Variants in MPHOSPH8 observed in about 807,000 individuals in gnomAD.
MPHOSPH8 encodes the protein M-phase phosphoprotein 8, also known as M-phase phosphoprotein, mpp.
In MPHOSPH8, 45 loss-of-function variants were observed where a neutral mutation model predicts 87.3. The ratio of observed to expected loss-of-function variants is 0.52; its 90% confidence interval spans 0.41 to 0.66. MPHOSPH8 has a LOEUF of 0.66. MPHOSPH8 is among the 30% of genes least tolerant of loss of function. The pLI is 0.00. For missense variants in MPHOSPH8, 883 were observed against 1,020.2 expected (o/e 0.87, Z 1.83); for synonymous variants, 366 against 376.9 (o/e 0.97, Z 0.33).
chr13:19,665,988 CAA>C (rs1875792566), intron 9 of MPHOSPH8, among the ~76,000 whole-genome samples: 1 of 152,122 alleles, frequency 6.6e-6, no homozygotes, highest in Non-Finnish European at 1.5e-5. Flanking sequence ...ATTCCTGAGA[CAA>C]AGTTGTCTAC....
intron 4 of MPHOSPH8, 150 bp from the exon 5 acceptor site, chr13:19,649,853 C>G: frequency 2.8e-6 from 2 of 707,140 alleles, no homozygotes; most frequent in South Asian, 4.1e-5. Context: ...GTGGCTTTGA[C>G]AGTAAATCAG....
chr13:19,634,545 TCTC>T (rs1228229608), intron 1 of MPHOSPH8, among the ~76,000 whole-genome samples: 2 of 152,268 alleles, frequency 1.3e-5, no homozygotes, highest in African/African-American at 4.8e-5. Context: ...TGTTTCCTGT[TCTC>T]CTGGCCTGGA....
At chr13:19,649,396 A>G (rs981737529) in intron 4 of MPHOSPH8, among the ~76,000 whole-genome samples, 5 of 152,244 alleles carry the variant, frequency 3.3e-5, no homozygotes, top group South Asian at 2.1e-4. Context: ...CCAGTTTTCA[A>G]TATTCCCTGA....
At chr13:19,653,523 A>G (rs947579247) in intron 5 of MPHOSPH8, among the ~76,000 whole-genome samples, 2 of 151,994 alleles carry the variant, frequency 1.3e-5, no homozygotes. Flanking sequence ...AAGGATCACA[A>G]CTCCTCGCCA....
At position 19,659,062 on chromosome 13, in the gene MPHOSPH8, C is replaced by A; in HGVS notation, c.1644C>A (p.Phe548Leu). 1 of 1,614,086 alleles carries A rather than the reference C, an allele frequency of 6.2e-7. No homozygotes were observed. Among genetic ancestry groups the A allele is most frequent in the Non-Finnish European group, 8.5e-7 (1 of 1,180,012 alleles). The change falls in exon 6 of 14, where the codon TTC (phenylalanine) becomes TTA (leucine). Residue 548 changes from phenylalanine (F) to leucine (L), a missense_variant. By Grantham distance (22) the Phe-to-Leu change is conservative. Coordinates refer to ENST00000361479, the MANE Select transcript of MPHOSPH8 (RefSeq NM_017520.4). The part of the protein sequence containing the change: ...LQLEWMKLED[F>L]QKHLDGKDEN... ...TGGAATGGATGAAGTTGGAAGATTT[C>A]CAAAAGCACCTTGATGGGAAAGATG...
chr13:19,661,570 T>A (rs1408389310), intron 7 of MPHOSPH8, 128 bp from the exon 8 acceptor site: 28 of 946,786 alleles, frequency 3.0e-5, no homozygotes, highest in Non-Finnish European at 4.1e-5. Flanking sequence ...TTAGTGAAAA[T>A]CCTAAGTAGA....
intron 5 of MPHOSPH8, among the ~76,000 whole-genome samples, chr13:19,655,288 A>C: frequency 6.6e-6 from 1 of 152,112 alleles, no homozygotes; most frequent in South Asian, 2.1e-4. Flanking sequence ...TAGCCTGGGA[A>C]AACAAGACCC....
chr13:19,649,957 A>T, intron 4 of MPHOSPH8, 46 bp from the exon 5 acceptor site: 1 of 1,437,902 alleles, frequency 7.0e-7, no homozygotes. Context: ...AATGTAACAG[A>T]AATTTGTGAC....
At chr13:19,647,520 G>A (rs1006818411) in intron 3 of MPHOSPH8, among the ~76,000 whole-genome samples, 5 of 152,176 alleles carry the variant, frequency 3.3e-5, no homozygotes, top group African/African-American at 1.2e-4. Flanking sequence ...CAAAAATCAG[G>A]ATGGTTTTTA....
chr13:19,640,542 CT>C (rs879353279), intron 1 of MPHOSPH8, among the ~76,000 whole-genome samples: 113 of 142,022 alleles, frequency 8.0e-4, no homozygotes, highest in Admixed American at 9.9e-4. Flanking sequence ...AATGGCTTGC[CT>C]TTTTTTTTTT....
At chr13:19,647,521 AT>A (rs1018163076) in intron 3 of MPHOSPH8, among the ~76,000 whole-genome samples, 2 of 152,230 alleles carry the variant, frequency 1.3e-5, no homozygotes, top group African/African-American at 4.8e-5. Flanking sequence ...AAAAATCAGG[AT>A]GGTTTTTAGA....
chr13:19,660,543 A>AT (rs1160793887), intron 7 of MPHOSPH8, among the ~76,000 whole-genome samples: 1 of 152,202 alleles, frequency 6.6e-6, no homozygotes, highest in Admixed American at 6.5e-5. Context: ...AATAATATAG[A>AT]TTGAGAATTG....
intron 5 of MPHOSPH8, among the ~76,000 whole-genome samples, chr13:19,658,293 C>A (rs1361863037): frequency 6.6e-6 from 1 of 152,202 alleles, no homozygotes; most frequent in Admixed American, 6.5e-5. Context: ...TTTAACTCTA[C>A]CATCAAGTAG....
At chr13:19,653,033 G>A (rs562697327) in intron 5 of MPHOSPH8, among the ~76,000 whole-genome samples, 6 of 151,486 alleles carry the variant, frequency 4.0e-5, no homozygotes, top group African/African-American at 1.5e-4. Context: ...CCTGCCTCAC[G>A]GCTCTGAAGA....
intron 1 of MPHOSPH8, among the ~76,000 whole-genome samples, chr13:19,639,352 C>G (rs1874169086): frequency 6.6e-6 from 1 of 151,716 alleles, no homozygotes; most frequent in Non-Finnish European, 1.5e-5. Flanking sequence ...GCTCTGTCAC[C>G]CAGGCTGGAG....
At chr13:19,637,248 CAT>C (rs1389568556) in intron 1 of MPHOSPH8, among the ~76,000 whole-genome samples, 1 of 152,132 alleles carries the variant, frequency 6.6e-6, no homozygotes, top group Non-Finnish European at 1.5e-5. Context: ...TCAATTAGGT[CAT>C]ATTTCACTGA....
Position 19,670,218 on chromosome 13 carries a change from C to G in MPHOSPH8, c.2330-18C>G, listed in dbSNP as rs75467478. 6.2e-7 allele frequency: 1 copy of G among 1,613,836 alleles called. No individual in the cohort carries two copies. The highest frequency in any genetic ancestry group is 8.5e-7 in the Non-Finnish European group (1 of 1,179,826). ...AAGGTTGCCTTTGAAGTAATTCACA[C>G]ACATCTCCCATTTTCAGGCTCTGGC... On this transcript the variant is annotated intron_variant, in intron 11 of 13. Coordinates refer to ENST00000361479, the MANE Select transcript of MPHOSPH8 (RefSeq NM_017520.4).
At chr13:19,644,561 G>C (rs1047332032) in intron 2 of MPHOSPH8, among the ~76,000 whole-genome samples, 1 of 152,204 alleles carries the variant, frequency 6.6e-6, no homozygotes, top group African/African-American at 2.4e-5. Flanking sequence ...TGAAGTTCAT[G>C]CTTTAGTACC....
chr13:19,673,212 C>G lies in MPHOSPH8; in HGVS notation c.*1337C>G, dbSNP rs75415579. On this transcript the variant is annotated 3_prime_UTR_variant, in exon 14 of 14. Coordinates refer to ENST00000361479, the MANE Select transcript of MPHOSPH8 (RefSeq NM_017520.4). ...TCAGCTGTGTGGGAGCCACCACCCT[C>G]TCTGGGAAGAGTTCCTGCTTCTGTA... 1 of 430,346 alleles carries G rather than the reference C, an allele frequency of 2.3e-6. No homozygotes were observed. The highest frequency in any genetic ancestry group is 4.5e-6 in the Non-Finnish European group (1 of 220,068). The allele number at this position is 430,346 out of a possible 1,614,324, so 26.7% of individuals were successfully genotyped here. A position where few individuals can be genotyped will look rare whatever the true frequency, so the allele number is the denominator to read the frequency against.
Sources: gnomAD v4.1 joint callset for allele counts (sites outside exome capture counted in the v4.1 genomes callset) on GRCh38, gnomAD v4.1.1 for gene constraint, MANE v1.5 for transcripts, NCBI Gene and HGNC (gene_info 2026-07-23, HGNC 2026-07-21) for gene names.